The following MAF variants were observed in gnomAD, a reference collection of about 807,000 sequenced individuals.
MAF encodes the protein transcription factor Maf.
In MAF, 10 loss-of-function variants were observed where a neutral mutation model predicts 22.0. The ratio of observed to expected loss-of-function variants is 0.45; its 90% CI spans 0.28 to 0.77. MAF has a LOEUF of 0.77. Among genes scored for constraint, MAF ranks in the 30% least tolerant of loss-of-function variants. MAF has a pLI of 0.12. For missense variants in MAF, 544 were observed against 548.4 expected (o/e 0.99, Z 0.08); for synonymous variants, 337 against 255.8 (o/e 1.32, Z -3.03).
chr16:79,301,347 G>T, the MAF span, among the ~76,000 whole-genome samples: 33 of 152,194 alleles, frequency 2.2e-4, no homozygotes, highest in East Asian at 4.7e-3. Flanking sequence ...TTTGTGGATT[G>T]TAAGTGTGCC....
At chr16:79,413,522 C>T in the MAF span, among the ~76,000 whole-genome samples, 1 of 151,898 alleles carries the variant, frequency 6.6e-6, no homozygotes, top group East Asian at 1.9e-4. Flanking sequence ...CGTGAGCCAC[C>T]GCGCCCGGCC....
chr16:79,536,759 C>T, the MAF span, among the ~76,000 whole-genome samples: 1 of 152,170 alleles, frequency 6.6e-6, no homozygotes, highest in South Asian at 2.1e-4. Flanking sequence ...CAGAGTAACA[C>T]CCGTTTACAT....
At chr16:79,486,556 C>A in the MAF span, among the ~76,000 whole-genome samples, 1 of 152,220 alleles carries the variant, frequency 6.6e-6, no homozygotes, top group East Asian at 1.9e-4. Flanking sequence ...AAAAGATTCT[C>A]CCGCATAAGA....
At chr16:79,411,335 T>G in the MAF span, among the ~76,000 whole-genome samples, 1 of 152,238 alleles carries the variant, frequency 6.6e-6, no homozygotes, top group Non-Finnish European at 1.5e-5. Flanking sequence ...GACTTGGACA[T>G]GAACATCATC....
the MAF span, among the ~76,000 whole-genome samples, chr16:79,284,665 G>T: frequency 6.6e-6 from 1 of 152,200 alleles, no homozygotes; most frequent in South Asian, 2.1e-4. Context: ...GAAAGGTTGG[G>T]AAGTTGTTTC....
At chr16:79,246,766 T>C in the MAF span, among the ~76,000 whole-genome samples, 2 of 152,172 alleles carry the variant, frequency 1.3e-5, no homozygotes, top group Non-Finnish European at 2.9e-5. Context: ...ATTGGAACTT[T>C]ACCCAAGAAA....
chr16:79,397,217 C>T, the MAF span, among the ~76,000 whole-genome samples: 3 of 152,286 alleles, frequency 2.0e-5, no homozygotes, highest in Middle Eastern at 6.8e-3. Context: ...CTGTGTCTTC[C>T]ACAACCATGG....
At chr16:79,294,902 G>C in the MAF span, among the ~76,000 whole-genome samples, 2 of 152,158 alleles carry the variant, frequency 1.3e-5, no homozygotes, top group South Asian at 4.1e-4. Context: ...TCCAGACATG[G>C]AACAAGGAAC....
chr16:79,472,015 G>C, the MAF span, among the ~76,000 whole-genome samples: 2 of 152,102 alleles, frequency 1.3e-5, no homozygotes, highest in African/African-American at 4.8e-5. Flanking sequence ...ATTTTTCCTT[G>C]CTTCTCCCCT....
chr16:79,242,336 T>C, the MAF span, among the ~76,000 whole-genome samples: 22 of 141,944 alleles, frequency 1.5e-4, 1 homozygote, highest in Middle Eastern at 3.8e-3. Flanking sequence ...AATAAAGGCA[T>C]GGAGGAACAT....
the MAF span, among the ~76,000 whole-genome samples, chr16:79,383,088 G>A: frequency 2.0e-5 from 3 of 152,090 alleles, no homozygotes; most frequent in Non-Finnish European, 4.4e-5. Context: ...TCATTTGCAT[G>A]GTATACTTGA....
chr16:79,452,194 C>T, the MAF span, among the ~76,000 whole-genome samples: 20 of 152,168 alleles, frequency 1.3e-4, no homozygotes, highest in Non-Finnish European at 2.8e-4. Context: ...AAAGAAATTG[C>T]TGACCCCTGA....
At chr16:79,207,824 C>T in the MAF span, among the ~76,000 whole-genome samples, 6 of 151,738 alleles carry the variant, frequency 4.0e-5, no homozygotes, top group East Asian at 1.2e-3. Flanking sequence ...TTATCAGAAA[C>T]CTCTGTACCC....
chr16:79,536,216 A>T, the MAF span, among the ~76,000 whole-genome samples: 3 of 152,350 alleles, frequency 2.0e-5, no homozygotes, highest in South Asian at 6.2e-4. Context: ...GAGTCCATGA[A>T]ATTTTAGAAC....
chr16:79,579,481 C>G, the MAF span, among the ~76,000 whole-genome samples: 2 of 151,952 alleles, frequency 1.3e-5, no homozygotes, highest in Non-Finnish European at 2.9e-5. Flanking sequence ...ACCCCAAAGT[C>G]GGTTTTTACA....
the MAF span, among the ~76,000 whole-genome samples, chr16:79,419,423 C>T: frequency 6.6e-6 from 1 of 152,204 alleles, no homozygotes; most frequent in Non-Finnish European, 1.5e-5. Flanking sequence ...CTGCTAGAAG[C>T]ATCCTAGGTT....
the MAF span, among the ~76,000 whole-genome samples, chr16:79,410,891 G>A: frequency 1.6e-4 from 25 of 152,174 alleles, no homozygotes; most frequent in African/African-American, 6.0e-4. Flanking sequence ...TTTGCATAGA[G>A]GTGGATACCT....
At chr16:79,479,042 C>T in the MAF span, among the ~76,000 whole-genome samples, 3 of 151,850 alleles carry the variant, frequency 2.0e-5, no homozygotes, top group Non-Finnish European at 4.4e-5. Context: ...TTTATAGTAT[C>T]CTAGTGTGCC....
chr16:79,314,544 G>A, the MAF span, among the ~76,000 whole-genome samples: 26,234 of 152,112 alleles, frequency 0.17, 3,382 homozygotes, highest in East Asian at 0.41. Context: ...GGAGAGCAGA[G>A]GAGGGGCTTC....
Sources: allele counts gnomAD v4.1 joint callset (sites outside exome capture counted in the v4.1 genomes callset), GRCh38; gene constraint gnomAD v4.1.1; transcripts MANE v1.5; gene names NCBI Gene and HGNC (gene_info 2026-07-23, HGNC 2026-07-21).